LGR4: variants seen among roughly 807,000 people sequenced by gnomAD.
The protein encoded by LGR4 is leucine-rich repeat-containing G protein-coupled receptor 4.
Under a neutral mutation model 84.8 loss-of-function variants are expected in LGR4, and 44 were observed. The observed-to-expected ratio is 0.52, with a 90% CI of 0.41 to 0.67. LGR4 has a LOEUF of 0.67. Ranked by LOEUF, LGR4 falls within the 30% of genes least tolerant of loss-of-function variation. The pLI is 0.00. For missense variants in LGR4, 1,032 were observed against 1,131.4 expected, an observed-to-expected ratio of 0.91 and a Z score of 1.26; for synonymous variants, 429 against 434.3, an observed-to-expected ratio of 0.99 and a Z score of 0.15.
At chr11:27,422,084 C>T (rs1375161701) in intron 1 of LGR4, among the ~76,000 whole-genome samples, 2 of 152,256 alleles carry the variant, frequency 1.3e-5, no homozygotes, top group Non-Finnish European at 2.9e-5. Context: ...GTGTTTATTA[C>T]CAGCCAAAAC....
chr11:27,463,495 A>G (rs1450458802), intron 1 of LGR4, among the ~76,000 whole-genome samples: 1 of 152,186 alleles, frequency 6.6e-6, no homozygotes, highest in Non-Finnish European at 1.5e-5. Flanking sequence ...TATTTAAAAC[A>G]TGACACTTGG....
rs1305476053 is a variant in LGR4 at position 27,366,843 on chromosome 11, C to G, written c.*1024G>C. 1 of 152,036 alleles carries G rather than the reference C, an allele frequency of 6.6e-6. No individual in the cohort carries two copies. Among genetic ancestry groups the G allele is most frequent in the African/African-American group, 2.4e-5 (1 of 41,416 alleles). The allele number at this position is 152,036 out of a possible 1,614,324, so 9.4% of individuals were successfully genotyped here. A position where few individuals can be genotyped will look rare whatever the true frequency, so the allele number is the denominator to read the frequency against. Reference sequence around the variant, plus strand: ...AAATTTCCATTTAATAGCACAGGTTCAAGATAATCCAGCTCACTAAGAAAT... The same window carrying G: ...AAATTTCCATTTAATAGCACAGGTTGAAGATAATCCAGCTCACTAAGAAAT... On this transcript the variant is annotated 3_prime_UTR_variant, in exon 18 of 18. Coordinates refer to ENST00000379214, the MANE Select transcript of LGR4 (RefSeq NM_018490.5).
chr11:27,456,246 C>G (rs1864574569), intron 1 of LGR4, among the ~76,000 whole-genome samples: 1 of 152,180 alleles, frequency 6.6e-6, no homozygotes, highest in Admixed American at 6.5e-5. Context: ...GGAAAGAGCA[C>G]ACAGATCCAA....
At chr11:27,401,917 G>A (rs1244389271) in intron 2 of LGR4, among the ~76,000 whole-genome samples, 3 of 152,160 alleles carry the variant, frequency 2.0e-5, no homozygotes, top group Non-Finnish European at 2.9e-5. Context: ...CATGCAATAC[G>A]CTGCTAAGTG....
chr11:27,435,195 TGG>T, intron 1 of LGR4, among the ~76,000 whole-genome samples: 1 of 151,892 alleles, frequency 6.6e-6, no homozygotes, highest in Admixed American at 6.6e-5. Context: ...TAGCTGGGCA[TGG>T]TGACGCACGC....
intron 1 of LGR4, among the ~76,000 whole-genome samples, chr11:27,461,834 G>C (rs1483983307): frequency 7.7e-6 from 1 of 130,324 alleles, no homozygotes; most frequent in African/African-American, 2.8e-5. Flanking sequence ...GATTGAGTTA[G>C]GATTTTTTTT....
rs1459690485 is a variant in LGR4, at chr11:27,376,503, CTTAGT to C, written c.1110-138_1110-134del. On this transcript the variant is annotated intron_variant, in intron 12 of 17. Transcript: ENST00000379214. Reference sequence around the variant, plus strand: ...TTTGAAAAATAACATTATAACATTTCTTAGTTGAGTTTTTTCTAAATTTAAATAAC... The same window carrying C: ...TTTGAAAAATAACATTATAACATTTCTGAGTTTTTTCTAAATTTAAATAAC... 1.0e-5 allele frequency: 5 copies of C among 480,148 alleles called. No individual in the cohort carries two copies. In the Admixed American group the frequency reaches 1.9e-4, roughly 18 times the overall value. 29.7% of individuals were successfully genotyped at this position (480,148 alleles called of 1,614,324 possible). A position where few individuals can be genotyped will look rare whatever the true frequency, so the allele number is the denominator to read the frequency against.
chr11:27,397,558 G>T (rs1188882402), intron 2 of LGR4, among the ~76,000 whole-genome samples: 2 of 152,152 alleles, frequency 1.3e-5, no homozygotes, highest in Non-Finnish European at 2.9e-5. Flanking sequence ...AAAGCTTCCT[G>T]ATTATTTTCC....
At chr11:27,400,245 A>G (rs979436495) in intron 2 of LGR4, among the ~76,000 whole-genome samples, 1 of 152,270 alleles carries the variant, frequency 6.6e-6, no homozygotes, top group African/African-American at 2.4e-5. Flanking sequence ...TATGGTCCCA[A>G]GTATTTCAAA....
chr11:27,378,654 T>C, intron 11 of LGR4, 43 bp downstream of exon 11: 4 of 1,334,126 alleles, frequency 3.0e-6, no homozygotes, highest in South Asian at 1.2e-5. Context: ...TGTGAATATA[T>C]AAACAAAAGG....
At chr11:27,411,399 A>C (rs78071381) in intron 2 of LGR4, among the ~76,000 whole-genome samples, 6 of 151,536 alleles carry the variant, frequency 4.0e-5, no homozygotes, top group South Asian at 4.1e-4. Context: ...AAAAAAAAAA[A>C]CAACAACACA....
chr11:27,392,325 C>A, intron 3 of LGR4, 122 bp downstream of exon 3: 1 of 705,802 alleles, frequency 1.4e-6, no homozygotes, highest in Non-Finnish European at 2.2e-6. Flanking sequence ...ACTCACTGGC[C>A]ACTCCTTAAA....
chr11:27,448,624 A>C (rs1279050093), intron 1 of LGR4, among the ~76,000 whole-genome samples: 1 of 152,210 alleles, frequency 6.6e-6, no homozygotes, highest in Non-Finnish European at 1.5e-5. Context: ...GAATGTATGG[A>C]AACAAAATGA....
chr11:27,413,148 G>T (rs1344282443), intron 1 of LGR4, among the ~76,000 whole-genome samples: 3 of 152,064 alleles, frequency 2.0e-5, no homozygotes, highest in African/African-American at 7.2e-5. Context: ...GTGGGCCAGG[G>T]TGGCTTCCCA....
At chr11:27,414,688 G>A (rs1202509360) in intron 1 of LGR4, among the ~76,000 whole-genome samples, 1 of 152,128 alleles carries the variant, frequency 6.6e-6, no homozygotes, top group Non-Finnish European at 1.5e-5. Flanking sequence ...CTGGGGGAAG[G>A]GGCGAGGAAA....
intron 4 of LGR4, among the ~76,000 whole-genome samples, chr11:27,385,686 A>C (rs946502379): frequency 2.0e-5 from 3 of 152,214 alleles, no homozygotes; most frequent in Non-Finnish European, 2.9e-5. Context: ...GCATGTATCC[A>C]AATCTATATT....
intron 2 of LGR4, among the ~76,000 whole-genome samples, chr11:27,401,819 C>A (rs907716859): frequency 4.6e-5 from 7 of 152,172 alleles, no homozygotes; most frequent in Non-Finnish European, 8.8e-5. Context: ...AGAAGTGTGA[C>A]AACAGGCCCT....
At chr11:27,436,581 G>A (rs1306696971) in intron 1 of LGR4, among the ~76,000 whole-genome samples, 1 of 152,124 alleles carries the variant, frequency 6.6e-6, no homozygotes, top group African/African-American at 2.4e-5. Context: ...CAATATATAT[G>A]TAATAGTGTT....
chr11:27,412,822 T>A lies in LGR4; in HGVS notation c.224A>T (p.Asp75Val), dbSNP rs1863736802. The A allele has an allele frequency of 6.2e-7, 1 of 1,604,036 alleles. No individual in the cohort carries two copies. The highest frequency in any genetic ancestry group is 8.5e-7 in the Non-Finnish European group (1 of 1,171,330). ...SMNNITQLPEDAFKNFPFLEE... is the reference protein window; with the variant it reads ...SMNNITQLPEVAFKNFPFLEE... ...TAGAAAAGGAAAGTTCTTAAATGCA[T>A]CTTCTGGCAACTGAGTAATGTTGTT... Residue 75 changes from aspartate (D) to valine (V), a missense_variant, in exon 2 of 18, where the codon GAT becomes GTT. Asp to Val is a radical substitution (Grantham distance 152). Coordinates refer to ENST00000379214, the MANE Select transcript of LGR4 (RefSeq NM_018490.5).
Sources: gnomAD v4.1 joint callset for allele counts (sites outside exome capture counted in the v4.1 genomes callset) on GRCh38, gnomAD v4.1.1 for gene constraint, MANE v1.5 for transcripts, NCBI Gene and HGNC (gene_info 2026-07-23, HGNC 2026-07-21) for gene names.